The following SLC39A11 variants were observed in gnomAD, a reference collection of about 807,000 sequenced individuals.
The protein encoded by SLC39A11 is zinc transporter ZIP11.
Under a neutral mutation model 36.1 loss-of-function variants are expected in SLC39A11, and 33 were observed. That is an observed-to-expected ratio of 0.91 (90% CI 0.69 to 1.22). The LOEUF (loss-of-function observed/expected upper bound fraction) is 1.22, where lower values mean the gene tolerates loss of function less well. Ranked by LOEUF, SLC39A11 falls within the 50% of genes most tolerant of loss-of-function variation. The pLI is 0.00. For missense variants in SLC39A11, 432 were observed against 430.3 expected (o/e 1.00, Z -0.03); for synonymous variants, 166 against 170.3 (o/e 0.97, Z 0.20).
At chr17:72,770,846 A>G (rs2075908597) in intron 6 of SLC39A11, among the ~76,000 whole-genome samples, 1 of 152,222 alleles carries the variant, frequency 6.6e-6, no homozygotes, top group Admixed American at 6.5e-5. Flanking sequence ...GTCATTCAAT[A>G]CATGTGTAAT....
At chr17:73,032,071 G>A (rs948428517) in intron 3 of SLC39A11, among the ~76,000 whole-genome samples, 8 of 152,188 alleles carry the variant, frequency 5.3e-5, no homozygotes. Context: ...GAGGAGCGTA[G>A]GGGGAGGTTG....
chr17:73,040,720 C>A (rs143030568), intron 3 of SLC39A11, among the ~76,000 whole-genome samples: 1 of 152,156 alleles, frequency 6.6e-6, no homozygotes, highest in Admixed American at 6.5e-5. Context: ...CACGGTGGCT[C>A]ATGCCTGAAA....
chr17:72,858,980 C>G (rs1008360728), intron 5 of SLC39A11, among the ~76,000 whole-genome samples: 1 of 152,262 alleles, frequency 6.6e-6, no homozygotes, highest in East Asian at 1.9e-4. Context: ...ATTTGGATGC[C>G]CTGTATTTCT....
chr17:73,050,149 T>C (rs2143860382), intron 3 of SLC39A11, among the ~76,000 whole-genome samples: 1 of 151,806 alleles, frequency 6.6e-6, no homozygotes, highest in East Asian at 1.9e-4. Flanking sequence ...AACAAACATG[T>C]CCGGGGGTGG....
At chr17:72,918,423 AG>A (rs1351680775) in intron 5 of SLC39A11, among the ~76,000 whole-genome samples, 1 of 152,148 alleles carries the variant, frequency 6.6e-6, no homozygotes, top group Non-Finnish European at 1.5e-5. Context: ...AAAAGAAAAA[AG>A]AAAAGAGCAC....
chr17:72,987,216 T>G (rs1327164742), intron 4 of SLC39A11, among the ~76,000 whole-genome samples: 1 of 152,192 alleles, frequency 6.6e-6, no homozygotes, highest in Non-Finnish European at 1.5e-5. Flanking sequence ...GGAAGCTTCT[T>G]GAGGCCCTCC....
intron 5 of SLC39A11, among the ~76,000 whole-genome samples, chr17:72,890,578 A>G (rs2081685449): frequency 6.6e-6 from 1 of 152,196 alleles, no homozygotes; most frequent in South Asian, 2.1e-4. Flanking sequence ...GAACTGGGAG[A>G]AAAAAGCTAT....
intron 5 of SLC39A11, among the ~76,000 whole-genome samples, chr17:72,890,331 G>A (rs532405328): frequency 2.6e-5 from 4 of 151,280 alleles, no homozygotes; most frequent in Non-Finnish European, 4.4e-5. Flanking sequence ...AAAAGAGTCC[G>A]TTGGTATGGT....
intron 6 of SLC39A11, among the ~76,000 whole-genome samples, chr17:72,752,914 G>A (rs1229660488): frequency 6.6e-6 from 1 of 152,098 alleles, no homozygotes; most frequent in Non-Finnish European, 1.5e-5. Context: ...GGAGTGCAAT[G>A]GTGCCATCAT....
chr17:72,931,286 G>A (rs996349000), intron 5 of SLC39A11, among the ~76,000 whole-genome samples: 1 of 152,202 alleles, frequency 6.6e-6, no homozygotes, highest in Non-Finnish European at 1.5e-5. Flanking sequence ...TGTTAACCAA[G>A]TCGAGAAGTA....
chr17:73,019,731 A>G (rs2058280667), intron 4 of SLC39A11, among the ~76,000 whole-genome samples: 1 of 152,166 alleles, frequency 6.6e-6, no homozygotes, highest in African/African-American at 2.4e-5. Context: ...GATGGGATAA[A>G]TAGAAAATAA....
chr17:72,769,239 T>G (rs1385148242), intron 6 of SLC39A11, among the ~76,000 whole-genome samples: 1 of 152,194 alleles, frequency 6.6e-6, no homozygotes, highest in African/African-American at 2.4e-5. Flanking sequence ...TAACAGCCCT[T>G]TACCCTTCCA....
In SLC39A11 at chr17:72,842,781, A is replaced by G. The variant is rs533930564; in HGVS notation, c.601+6853T>C. 1.4e-4 allele frequency among the ~76,000 whole-genome samples: 21 copies of G among 152,344 alleles called. No individual in the cohort carries two copies. The South Asian group carries it at 4.3e-3, about 32-fold the overall frequency. ...CAGGCAGGCGCCACGGAAGTAGCTT[A>G]GAAGGAGGCGGGTGGTGTCTGCACT... On this transcript the variant is annotated intron_variant, in intron 6 of 9. Coordinates refer to ENST00000255559, the MANE Select transcript of SLC39A11 (RefSeq NM_139177.4).
chr17:72,912,926 C>T (rs2083104941), intron 5 of SLC39A11, among the ~76,000 whole-genome samples: 1 of 152,144 alleles, frequency 6.6e-6, no homozygotes, highest in Non-Finnish European at 1.5e-5. Flanking sequence ...ACTCGAGAGA[C>T]AGCTGAACCC....
At chr17:72,847,496 T>C (rs1471514927) in intron 6 of SLC39A11, among the ~76,000 whole-genome samples, 1 of 151,802 alleles carries the variant, frequency 6.6e-6, no homozygotes, top group Non-Finnish European at 1.5e-5. Context: ...GGGAGACACA[T>C]AAACTGATGA....
chr17:72,876,534 T>C (rs1255444778), intron 5 of SLC39A11, among the ~76,000 whole-genome samples: 1 of 152,200 alleles, frequency 6.6e-6, no homozygotes, highest in Non-Finnish European at 1.5e-5. Flanking sequence ...AAAGTTACAT[T>C]CGTCTTATCT....
At chr17:72,652,380 G>A (rs2069891791) in intron 7 of SLC39A11, among the ~76,000 whole-genome samples, 2 of 152,224 alleles carry the variant, frequency 1.3e-5, no homozygotes, top group African/African-American at 2.4e-5. Flanking sequence ...TCCTGGGTCT[G>A]TGCTTTGTTA....
intron 7 of SLC39A11, among the ~76,000 whole-genome samples, chr17:72,694,548 G>A (rs999147283): frequency 5.9e-5 from 9 of 152,220 alleles, no homozygotes; most frequent in Non-Finnish European, 1.3e-4. Context: ...CCCAACCACT[G>A]CGGGACTTGT....
At chr17:72,945,287 G>GT (rs2085367141) in intron 5 of SLC39A11, among the ~76,000 whole-genome samples, 1 of 152,212 alleles carries the variant, frequency 6.6e-6, no homozygotes, top group South Asian at 2.1e-4. Context: ...CTCCCAGAGT[G>GT]TGGCCTTTCT....
Sources: allele counts gnomAD v4.1 joint callset (sites outside exome capture counted in the v4.1 genomes callset), GRCh38; gene constraint gnomAD v4.1.1; transcripts MANE v1.5; gene names NCBI Gene and HGNC (gene_info 2026-07-23, HGNC 2026-07-21).